Variants in MUC4 observed in about 807,000 individuals in gnomAD.
MUC4 encodes mucin 4, cell surface associated, also known as mucin-4.
Under a neutral mutation model 257.9 loss-of-function variants are expected in MUC4, and 202 were observed. The observed-to-expected ratio is 0.78, with a 90% CI of 0.70 to 0.88. MUC4 has a LOEUF of 0.88. Ranked by LOEUF, MUC4 falls within the 40% of genes least tolerant of loss-of-function variation. The pLI, the probability that MUC4 is intolerant of heterozygous loss-of-function variation, is 0.00. For missense variants in MUC4, 5,976 were observed against 6,513.7 expected (o/e 0.92, Z 2.84); for synonymous variants, 2,351 against 2,757.1 (o/e 0.85, Z 4.62).
In MUC4 at chr3:195,778,328, GGCAGCTGTGGA is replaced by G; in HGVS notation, c.12907_12917del (p.Ser4303ProfsTer7). On this transcript the variant is annotated frameshift_variant, in exon 3 of 25. Coordinates refer to ENST00000463781, the MANE Select transcript of MUC4 (RefSeq NM_018406.7). LOFTEE classifies it high-confidence loss of function. ...CTCTCTCAGGCAGGATGGGGATGGG[GGCAGCTGTGGA>G]GCGGGTGTGCATGGCAGTGCTGGGA... 6.2e-7 allele frequency: 1 copy of G among 1,612,052 alleles called. No homozygotes were observed. Among genetic ancestry groups the G allele is most frequent in the Non-Finnish European group, 8.5e-7 (1 of 1,179,642 alleles).
At position 195,762,957 on chromosome 3, in the gene MUC4, T is replaced by C. The variant is rs1420457237; in HGVS notation, c.14254-12A>G. The C allele has an allele frequency of 4.5e-6, 7 of 1,544,574 alleles. No homozygotes were observed. The highest frequency in any genetic ancestry group is 6.1e-6 in the Non-Finnish European group (7 of 1,143,176). ...AGGAGCCATTGGACCTGGAAGGAGA[T>C]GGGAGGGGGCCTGAGCCCGACCCGC... On this transcript the variant is annotated splice_polypyrimidine_tract_variant and intron_variant, in intron 12 of 24. Transcript: ENST00000463781.
At chr3:195,763,109 C>T (rs1560248267) in intron 12 of MUC4, among the ~76,000 whole-genome samples, 164 bp from the exon 13 acceptor site, 3 of 152,372 alleles carry the variant, frequency 2.0e-5, no homozygotes. Context: ...ACCGTGTGCT[C>T]GGCAGGGCCA....
At chr3:195,767,674 A>ACTG (rs1721371648) in intron 7 of MUC4, among the ~76,000 whole-genome samples, 1 of 10,874 alleles carries the variant, frequency 9.2e-5, no homozygotes, top group Admixed American at 1.0e-3. Context: ...CATCACCATC[A>ACTG]CCACCATCAC....
chr3:195,767,918 ACTGCCACCT>A lies in MUC4; in HGVS notation c.13529+1095_13529+1103del, dbSNP rs1428123656. On this transcript the variant is annotated intron_variant, in intron 7 of 24. Transcript: ENST00000463781. ...CACCATCACCACCATCACCATCGCC[ACTGCCACCT>A]CCACCGCCACTACCACCACCACCAC... Among the ~76,000 whole-genome samples the A allele has an allele frequency of 7.9e-5, 11 of 139,876 alleles. 1 individual carries two copies. Among genetic ancestry groups the A allele is most frequent in the African/African-American group, 2.9e-4 (10 of 34,082 alleles). The allele number at this position is 139,876 out of a possible 152,430, so 91.8% of individuals were successfully genotyped here.
chr3:195,778,952 GA>G lies in MUC4; in HGVS notation c.12627del (p.Pro4210LeufsTer49). ...GATGCTGAGGAAGTGTCGGTGACAG[GA>G]AGAGGGGTGGCGTGACCTGTGGATG... ...SSASTGHATP[L>X]PVTDTSSAST... On this transcript the variant is annotated frameshift_variant, in exon 2 of 25. Coordinates refer to ENST00000463781, the MANE Select transcript of MUC4 (RefSeq NM_018406.7). LOFTEE classifies it high-confidence loss of function. 7.3e-7 allele frequency: 1 copy of G among 1,367,504 alleles called. No individual in the cohort carries two copies. Among genetic ancestry groups the G allele is most frequent in the South Asian group, 1.4e-5 (1 of 69,820 alleles). 84.7% of individuals were successfully genotyped at this position (1,367,504 alleles called of 1,614,324 possible). A position where few individuals can be genotyped will look rare whatever the true frequency, so the allele number is the denominator to read the frequency against.
chr3:195,791,035 G>GT lies in MUC4; in HGVS notation c.544dup (p.Thr182AsnfsTer63). 2 of 1,613,854 alleles carry GT rather than the reference G, an allele frequency of 1.2e-6. No homozygotes were observed. Among genetic ancestry groups the GT allele is most frequent in the East Asian group, 4.5e-5 (2 of 44,894 alleles). ...GTCTTGGATAGAGGTCCTCCAGGAA[G>GT]TTGTTCGTGATTGTCCTTCCTGTCC... On this transcript the variant is annotated frameshift_variant, in exon 2 of 25. Coordinates refer to ENST00000463781, the MANE Select transcript of MUC4 (RefSeq NM_018406.7). LOFTEE classifies it high-confidence loss of function.
In MUC4 at chr3:195,790,169, A is replaced by C; in HGVS notation, c.1411T>G (p.Phe471Val). The stretch of plus-strand genomic sequence containing the variant: ...ATTTCTTGAGACACACCTGGAGAGA[A>C]TGAGCTCCTCTCATGAGGCCGTCCT... The part of the protein sequence containing the change: ...TTGRPHERSS[F>V]SPGVSQEIFT... The change falls in exon 2 of 25, where the codon TTC becomes GTC. Residue 471 changes from phenylalanine to valine, a missense_variant. By Grantham distance (50) the Phe-to-Val change is conservative. Coordinates refer to ENST00000463781, the MANE Select transcript of MUC4 (RefSeq NM_018406.7). The C allele has an allele frequency of 6.2e-7, 1 of 1,613,972 alleles. No homozygotes were observed. Among genetic ancestry groups the C allele is most frequent in the Middle Eastern group, 1.6e-4 (1 of 6,062 alleles).
In MUC4 at chr3:195,785,815, G is replaced by T. The variant is rs79043683; in HGVS notation, c.5765C>A (p.Pro1922His). Residue 1922 changes from proline to histidine, a missense_variant, in exon 2 of 25, where the codon CCT becomes CAT. Pro to His is a moderately conservative substitution (Grantham distance 77). Around this residue, in one of 44 missense-constraint regions of MUC4, gnomAD observed 87 missense variants for 104.6 expected, o/e 0.83. Transcript: ENST00000463781. ...GGATGCTGAGGAAAGGCTGGTGACAGGAAGAGAGGTGGCGTGACCTGTGGA... is the reference window on the plus strand; with the variant it reads ...GGATGCTGAGGAAAGGCTGGTGACATGAAGAGAGGTGGCGTGACCTGTGGA... ...SVSTGHATSL[P>H]VTSLSSASTG... is the part of the protein sequence containing the mutation. 0.019 allele frequency: 26,864 copies of T among 1,391,444 alleles called. 4,390 individuals are homozygous for T. In the African/African-American group the frequency reaches 0.22, roughly 12 times the overall value. The allele number at this position is 1,391,444 out of a possible 1,614,324, so 86.2% of individuals were successfully genotyped here.
Position 195,770,366 on chromosome 3 carries a change from G to C in MUC4, c.13248C>G (p.Tyr4416Ter). 1 of 1,613,518 alleles carries C rather than the reference G, an allele frequency of 6.2e-7. No individual in the cohort carries two copies. The highest frequency in any genetic ancestry group is 8.5e-7 in the Non-Finnish European group (1 of 1,179,834). ...GGCTGTGTTCACCATAGAACGTCTCGTATTCCTAGGAAAGGAGGGCAGATG... is the reference window on the plus strand; with the variant it reads ...GGCTGTGTTCACCATAGAACGTCTCCTATTCCTAGGAAAGGAGGGCAGATG... The part of the protein sequence containing the change: ...TGRGTTFYQE[Y>*]ETFYGEHSLL... Residue 4416 changes from tyrosine to a stop codon, truncating the protein, a stop_gained, in exon 6 of 25, where the codon TAC becomes TAG. Transcript: ENST00000463781. LOFTEE classifies it high-confidence loss of function.
chr3:195,767,611 GCCA>G (rs1241342093), intron 7 of MUC4, among the ~76,000 whole-genome samples: 1 of 14,768 alleles, frequency 6.8e-5, no homozygotes. Flanking sequence ...CATCACCATT[GCCA>G]CCACCATCAC....
At chr3:195,793,660 C>T (rs1734170074) in intron 1 of MUC4, among the ~76,000 whole-genome samples, 1 of 152,118 alleles carries the variant, frequency 6.6e-6, no homozygotes, top group Non-Finnish European at 1.5e-5. Context: ...GCCTGTCTTC[C>T]TTGTGAGGAG....
At chr3:195,758,635 T>TCTG (rs1718151748) in intron 17 of MUC4, among the ~76,000 whole-genome samples, 1 of 144,842 alleles carries the variant, frequency 6.9e-6, no homozygotes, top group Non-Finnish European at 1.5e-5. Context: ...CGATCTCAGC[T>TCTG]CACTGCAACA....
rs1453132473 is a variant in MUC4, at chr3:195,786,421, G to A, written c.5159C>T (p.Ser1720Leu). ...ATPLPVTSLSSVSTGDTTPLP... is the reference protein window; with the variant it reads ...ATPLPVTSLSLVSTGDTTPLP... ...AGGCGTGGTGTCACCTGTGGATACT[G>A]AGGAAAGGCTGGTGACAGGAAGAGG... Residue 1720 changes from serine (S) to leucine (L), a missense_variant, in exon 2 of 25, where the codon TCA becomes TTA. This residue lies in a region of MUC4 where 138 missense variants were observed against 107.8 expected (regional missense o/e 1.28). Coordinates refer to ENST00000463781, the MANE Select transcript of MUC4 (RefSeq NM_018406.7). 1.2e-5 allele frequency: 18 copies of A among 1,533,238 alleles called. No homozygotes were observed. Among genetic ancestry groups the A allele is most frequent in the Non-Finnish European group, 1.6e-5 (18 of 1,136,086 alleles). 95.0% of individuals were successfully genotyped at this position (1,533,238 alleles called of 1,614,324 possible). A position where few individuals can be genotyped will look rare whatever the true frequency, so the allele number is the denominator to read the frequency against.
intron 1 of MUC4, among the ~76,000 whole-genome samples, chr3:195,811,267 A>C (rs1322876042): frequency 6.6e-6 from 1 of 151,564 alleles, no homozygotes; most frequent in African/African-American, 2.4e-5. Context: ...TCCACCTCCC[A>C]GGTTCAAGTG....
chr3:195,788,667 G>T lies in MUC4; in HGVS notation c.2913C>A (p.Ile971=), dbSNP rs2149034678. 3 of 1,579,900 alleles carry T rather than the reference G, an allele frequency of 1.9e-6. No individual in the cohort carries two copies. Among genetic ancestry groups the T allele is most frequent in the South Asian group, 1.1e-5 (1 of 89,318 alleles). ...TGACAGGAAGAGGGGTGGCGTTGCT[G>T]ATGAGGGCCGTGGTGAAGGTTTTAC... ...GSGKTFTTAL[I]SNATPLPVTY... Residue 971 remains isoleucine, a synonymous_variant, in exon 2 of 25, where the codon ATC becomes ATA. Coordinates refer to ENST00000463781, the MANE Select transcript of MUC4 (RefSeq NM_018406.7).
At chr3:195,767,889 C>T (rs1026615861) in intron 7 of MUC4, among the ~76,000 whole-genome samples, 33 of 142,022 alleles carry the variant, frequency 2.3e-4, no homozygotes, top group South Asian at 2.2e-4. Context: ...ACCACCATCA[C>T]CACCACCATC....
rs768209956 is a variant in MUC4 at position 195,771,771 on chromosome 3, T to A, written c.13123A>T (p.Ile4375Phe). ...GGGAGTGGGTTGGGGTAGGAGAAAA[T>A]CTGGTAGTCTGACTCTGGGAAGATG... ...QIIFPESDYQ[I>F]FSYPNPLPTG... Residue 4375 changes from isoleucine (I) to phenylalanine (F), a missense_variant, in exon 5 of 25, where the codon ATT becomes TTT. Coordinates refer to ENST00000463781, the MANE Select transcript of MUC4 (RefSeq NM_018406.7). 6.2e-7 allele frequency: 1 copy of A among 1,613,676 alleles called. No individual in the cohort carries two copies.
chr3:195,765,433 C>T lies in MUC4; in HGVS notation c.13635G>A (p.Gln4545=). The T allele has an allele frequency of 6.2e-7, 1 of 1,612,960 alleles. No individual in the cohort carries two copies. Among genetic ancestry groups the T allele is most frequent in the South Asian group, 1.1e-5 (1 of 91,032 alleles). The part of the protein sequence containing the change: ...LNSNSGLQGL[Q]FYRLHREERP... ...TTTCTTCCCGGTGTAGCCTGTAGAA[C>T]TGCAGCCCTTGGAGGCCTGAGGTCG... Residue 4545 remains glutamine, a synonymous_variant, in exon 9 of 25, where the codon CAG becomes CAA. Coordinates refer to ENST00000463781, the MANE Select transcript of MUC4 (RefSeq NM_018406.7).
intron 1 of MUC4, among the ~76,000 whole-genome samples, chr3:195,806,707 G>A (rs1359812514): frequency 1.3e-5 from 2 of 152,198 alleles, no homozygotes; most frequent in East Asian, 3.8e-4. Context: ...ATTGCCGAAA[G>A]GCTGTGTGCT....
Sources: gnomAD v4.1 joint callset for allele counts (sites outside exome capture counted in the v4.1 genomes callset) on GRCh38, gnomAD v4.1.1 for gene constraint, gnomAD v4.1.1 regional missense constraint, MANE v1.5 for transcripts, NCBI Gene and HGNC (gene_info 2026-07-23, HGNC 2026-07-21) for gene names.